Variants in PDE1A observed in about 807,000 individuals in gnomAD.
PDE1A encodes dual specificity calcium/calmodulin-dependent 3',5'-cyclic nucleotide phosphodiesterase 1A.
A neutral mutation model predicts 61.7 loss-of-function variants in PDE1A; 35 were observed. The ratio of observed to expected loss-of-function variants is 0.57; its 90% CI spans 0.43 to 0.75. PDE1A has a LOEUF of 0.75. PDE1A is among the 30% of genes least tolerant of loss of function. The probability of loss-of-function intolerance (pLI) is 0.00; values close to 1 mark genes in which losing one functional copy is unlikely to be tolerated. For synonymous variants in PDE1A, 232 were observed against 213.2 expected, an observed-to-expected ratio of 1.09 and a Z score of -0.77; for missense variants, 597 against 630.6, an observed-to-expected ratio of 0.95 and a Z score of 0.57.
At chr2:182,435,611 G>T (rs1684347645) in intron 2 of PDE1A, among the ~76,000 whole-genome samples, 1 of 152,014 alleles carries the variant, frequency 6.6e-6, no homozygotes, top group South Asian at 2.1e-4. Flanking sequence ...CTGATTCAGA[G>T]GTTTCCATTA....
chr2:182,430,670 C>T (rs1451576207), upstream of PDE1A, among the ~76,000 whole-genome samples: 28 of 122,756 alleles, frequency 2.3e-4, 1 homozygote, highest in South Asian at 9.3e-4. Context: ...ATGTTTATTG[C>T]GGCACTATTC....
chr2:182,537,255 GT>G, the PDE1A span, among the ~76,000 whole-genome samples: 182 of 152,240 alleles, frequency 1.2e-3, 1 homozygote, highest in Middle Eastern at 6.8e-3. Flanking sequence ...CTTCTCTAAG[GT>G]TTTAAAATTT....
chr2:182,481,196 T>C (rs1049445984), intron 2 of PDE1A, among the ~76,000 whole-genome samples: 1 of 151,966 alleles, frequency 6.6e-6, no homozygotes, highest in Non-Finnish European at 1.5e-5. Flanking sequence ...AGGGGGGCAC[T>C]ACTTTGTGTG....
intron 1 of PDE1A, among the ~76,000 whole-genome samples, chr2:182,392,752 T>C (rs943583182): frequency 3.3e-5 from 5 of 152,270 alleles, no homozygotes; most frequent in African/African-American, 4.8e-5. Context: ...ACAGGCCCCA[T>C]GCAAGTTTGA....
At chr2:182,601,713 A>C in the PDE1A span, among the ~76,000 whole-genome samples, 14,461 of 152,140 alleles carry the variant, frequency 0.095, 1,831 homozygotes, top group African/African-American at 0.3. Flanking sequence ...AGAGAGGAGG[A>C]GGCTCTGGGT....
chr2:182,365,954 T>C (rs1699815326), intron 1 of PDE1A, among the ~76,000 whole-genome samples: 1 of 151,906 alleles, frequency 6.6e-6, no homozygotes, highest in East Asian at 1.9e-4. Flanking sequence ...AGGTGTACTG[T>C]CAACTGTTAA....
chr2:182,665,619 G>A, the PDE1A span, among the ~76,000 whole-genome samples: 1 of 152,146 alleles, frequency 6.6e-6, no homozygotes, highest in Non-Finnish European at 1.5e-5. Flanking sequence ...CTGTTGGTGG[G>A]AATGTAAATT....
rs145975540 is a variant in PDE1A at position 182,245,146 on chromosome 2, C to T, written c.168-4854G>A. On this transcript the variant is annotated intron_variant, in intron 2 of 13. Transcript: ENST00000351439. ...ATTACCTAGAGAACTCTGTACTATG[C>T]TATCCCTGCCTGAAAGCCACAATCT... Among the ~76,000 whole-genome samples, 1,265 of 152,300 alleles carry T rather than the reference C, an allele frequency of 8.3e-3. 14 individuals carry two copies. Among genetic ancestry groups the T allele is most frequent in the South Asian group, 0.05 (242 of 4,826 alleles).
the PDE1A span, among the ~76,000 whole-genome samples, chr2:182,639,476 G>C: frequency 6.6e-6 from 1 of 152,182 alleles, no homozygotes; most frequent in East Asian, 1.9e-4. Flanking sequence ...GTCGAGGCAG[G>C]AGAATCACTT....
At chr2:182,294,806 A>C (rs1694764968) in intron 1 of PDE1A, among the ~76,000 whole-genome samples, 1 of 152,146 alleles carries the variant, frequency 6.6e-6, no homozygotes, top group African/African-American at 2.4e-5. Flanking sequence ...GTGGCAGGTA[A>C]AGACGAAAGG....
At chr2:182,458,916 G>T (rs1256029806) in intron 2 of PDE1A, among the ~76,000 whole-genome samples, 1 of 152,016 alleles carries the variant, frequency 6.6e-6, no homozygotes, top group African/African-American at 2.4e-5. Context: ...TTGTGGTCCA[G>T]CTTTTCATCT....
rs554394405 is a variant in PDE1A at position 182,311,575 on chromosome 2, C to T, written c.54-47161G>A. On this transcript the variant is annotated intron_variant, in intron 1 of 13. Transcript: ENST00000351439. Reference sequence around the variant, plus strand: ...TGTCATATAAATGGAAGCATACCATCTGTAGCCTTTTGTGACTGGCTTCTT... The same window carrying T: ...TGTCATATAAATGGAAGCATACCATTTGTAGCCTTTTGTGACTGGCTTCTT... 7.2e-5 allele frequency among the ~76,000 whole-genome samples: 11 copies of T among 152,332 alleles called. No homozygotes were observed. In the South Asian group the frequency reaches 2.3e-3, roughly 32 times the overall value.
chr2:182,181,353 C>T (rs972601027), intron 13 of PDE1A, among the ~76,000 whole-genome samples: 12 of 152,314 alleles, frequency 7.9e-5, no homozygotes, highest in African/African-American at 2.9e-4. Context: ...GACCCATCTT[C>T]TGCAGGTCTG....
chr2:182,455,751 C>T (rs1685870553), intron 2 of PDE1A, among the ~76,000 whole-genome samples: 1 of 151,592 alleles, frequency 6.6e-6, no homozygotes. Flanking sequence ...ACTCTGGGGA[C>T]TGTTGTGGGT....
At chr2:182,406,304 T>A (rs1340383142) in intron 1 of PDE1A, among the ~76,000 whole-genome samples, 1 of 152,098 alleles carries the variant, frequency 6.6e-6, no homozygotes, top group East Asian at 1.9e-4. Flanking sequence ...ATCTTTAGCA[T>A]AAACCTAACA....
intron 1 of PDE1A, among the ~76,000 whole-genome samples, chr2:182,333,126 T>C (rs1209883072): frequency 6.6e-6 from 1 of 152,114 alleles, no homozygotes; most frequent in African/African-American, 2.4e-5. Context: ...CACACAATAA[T>C]AGTGGGAGAC....
chr2:182,516,948 T>A (rs2125979536), intron 2 of PDE1A, among the ~76,000 whole-genome samples: 1 of 152,136 alleles, frequency 6.6e-6, no homozygotes, highest in South Asian at 2.1e-4. Context: ...TGATTAGCAA[T>A]TTTAACTCCA....
the PDE1A span, among the ~76,000 whole-genome samples, chr2:182,637,837 C>T: frequency 6.6e-6 from 1 of 152,122 alleles, no homozygotes; most frequent in Admixed American, 6.6e-5. Flanking sequence ...AGGAGAATCA[C>T]TTGAACCCCA....
At chr2:182,476,623 C>G (rs1687382361) in intron 2 of PDE1A, among the ~76,000 whole-genome samples, 1 of 151,816 alleles carries the variant, frequency 6.6e-6, no homozygotes, top group African/African-American at 2.4e-5. Flanking sequence ...AAAATTAATT[C>G]TGATTTAATA....
Sources: allele counts gnomAD v4.1 joint callset (sites outside exome capture counted in the v4.1 genomes callset), GRCh38; gene constraint gnomAD v4.1.1; transcripts MANE v1.5; gene names NCBI Gene and HGNC (gene_info 2026-07-23, HGNC 2026-07-21).